NEK11: variants seen among roughly 807,000 people sequenced by gnomAD.
The protein encoded by NEK11 is serine/threonine-protein kinase Nek11.
In NEK11, 72 loss-of-function variants were observed where a neutral mutation model predicts 80.7. The ratio of observed to expected loss-of-function variants is 0.89; its 90% CI spans 0.74 to 1.08. The LOEUF is 1.08. Among genes scored for constraint, NEK11 ranks in the 50% least tolerant of loss-of-function variants. NEK11 has a pLI of 0.00. For missense variants in NEK11, 764 were observed against 763.6 expected, an observed-to-expected ratio of 1.00 and a Z score of -0.01; for synonymous variants, 251 against 260.7, an observed-to-expected ratio of 0.96 and a Z score of 0.36.
At chr3:131,234,824 TC>T (rs2095402944) in intron 15 of NEK11, among the ~76,000 whole-genome samples, 1 of 152,040 alleles carries the variant, frequency 6.6e-6, no homozygotes, top group African/African-American at 2.4e-5. Flanking sequence ...GATATACTAT[TC>T]TTTTTTTTTC....
At chr3:131,149,025 A>G (rs1043537488) in intron 7 of NEK11, among the ~76,000 whole-genome samples, 2 of 152,034 alleles carry the variant, frequency 1.3e-5, no homozygotes, top group African/African-American at 4.8e-5. Flanking sequence ...TTTGAAATAT[A>G]TAATAAATTA....
rs1239759127 is a variant in NEK11, at chr3:131,057,731, G to T, written c.171-22692G>T. Reference sequence around the variant, plus strand: ...ATATCCTTTGCCCACTTTTTGATGGGGTTGTTTGTTTTTTTCTTGTAAATT... The same window carrying T: ...ATATCCTTTGCCCACTTTTTGATGGTGTTGTTTGTTTTTTTCTTGTAAATT... On this transcript the variant is annotated intron_variant, in intron 3 of 17. Transcript: ENST00000383366. 3.3e-5 allele frequency among the ~76,000 whole-genome samples: 5 copies of T among 151,278 alleles called. No individual in the cohort carries two copies. In the South Asian group the frequency reaches 8.4e-4, roughly 25 times the overall value.
intron 17 of NEK11, among the ~76,000 whole-genome samples, chr3:131,309,104 C>T (rs1334384250): frequency 1.3e-5 from 2 of 152,128 alleles, no homozygotes; most frequent in Non-Finnish European, 2.9e-5. Context: ...GGTACTGGCC[C>T]GCGGCCTAAG....
chr3:131,029,611 A>G lies in NEK11; in HGVS notation c.-96-2A>G. 1 of 1,208,100 alleles carries G rather than the reference A, an allele frequency of 8.3e-7. No homozygotes were observed. Among genetic ancestry groups the G allele is most frequent in the Non-Finnish European group, 1.2e-6 (1 of 850,326 alleles). The allele number at this position is 1,208,100 out of a possible 1,614,324, so 74.8% of individuals were successfully genotyped here. ...CTGATCTTTTAACTTTTCATCTTTA[A>G]GGAACTGACCAACACTGGATGAATT... On this transcript the variant is annotated splice_acceptor_variant, in intron 2 of 17. Coordinates refer to ENST00000383366, the MANE Select transcript of NEK11 (RefSeq NM_024800.5). LOFTEE classifies it low-confidence loss of function (5UTR_SPLICE).
intron 16 of NEK11, among the ~76,000 whole-genome samples, chr3:131,256,996 T>G (rs1289960083): frequency 6.6e-6 from 1 of 152,056 alleles, no homozygotes; most frequent in Non-Finnish European, 1.5e-5. Flanking sequence ...ATTATCAATT[T>G]TTTTTTAAGA....
At chr3:131,177,803 A>G (rs528909575) in intron 14 of NEK11, among the ~76,000 whole-genome samples, 1 of 152,350 alleles carries the variant, frequency 6.6e-6, no homozygotes, top group African/African-American at 2.4e-5. Flanking sequence ...GATGAACAAC[A>G]ACATACAAAA....
At chr3:131,084,981 G>C (rs1316665519) in intron 4 of NEK11, among the ~76,000 whole-genome samples, 1 of 152,204 alleles carries the variant, frequency 6.6e-6, no homozygotes, top group Non-Finnish European at 1.5e-5. Context: ...GGAAAAATTT[G>C]TCATTATTGG....
chr3:131,314,624 G>A (rs780134365), intron 17 of NEK11, among the ~76,000 whole-genome samples: 10 of 152,164 alleles, frequency 6.6e-5, no homozygotes, highest in Non-Finnish European at 1.5e-4. Context: ...AGAAGAGTGG[G>A]CTTGGAGCTG....
chr3:131,327,803 T>A (rs1364657664), intron 17 of NEK11: 1 of 151,790 alleles, frequency 6.6e-6, no homozygotes, highest in African/African-American at 2.4e-5. Context: ...CCCACCTTCT[T>A]GGGGATTCCA....
At chr3:131,091,645 A>G (rs1170967861) in intron 4 of NEK11, among the ~76,000 whole-genome samples, 1 of 152,252 alleles carries the variant, frequency 6.6e-6, no homozygotes, top group Non-Finnish European at 1.5e-5. Flanking sequence ...AAAAATGACA[A>G]TAGGATGTGA....
At position 131,080,605 on chromosome 3, in the gene NEK11, C is replaced by T. The variant is rs374004983; in HGVS notation, c.336+17C>T. The T allele has an allele frequency of 2.1e-5, 33 of 1,588,888 alleles. No individual in the cohort carries two copies. Among genetic ancestry groups the T allele is most frequent in the African/African-American group, 1.9e-4 (14 of 73,200 alleles). ...TACTGTGAGGTGAGACTCTCCTTTT[C>T]TCTTGGAAGTCTTTATAAAAACTTG... On this transcript the variant is annotated intron_variant, in intron 4 of 17. Coordinates refer to ENST00000383366, the MANE Select transcript of NEK11 (RefSeq NM_024800.5).
intron 14 of NEK11, among the ~76,000 whole-genome samples, chr3:131,203,687 CAT>C (rs1246416495): frequency 1.5e-5 from 2 of 132,638 alleles, no homozygotes; most frequent in African/African-American, 2.9e-5. Context: ...ACATAAAGTT[CAT>C]ATATATATGT....
At position 131,273,516 on chromosome 3, in the gene NEK11, C is replaced by A. The variant is rs750813501; in HGVS notation, c.1660C>A (p.Pro554Thr). 6.2e-7 allele frequency: 1 copy of A among 1,613,974 alleles called. No homozygotes were observed. Among genetic ancestry groups the A allele is most frequent in the South Asian group, 1.1e-5 (1 of 91,080 alleles). The change falls in exon 17 of 18, where the codon CCA (proline) becomes ACA (threonine). Residue 554 changes from proline to threonine, a missense_variant. By Grantham distance (38) the Pro-to-Thr change is conservative. Coordinates refer to ENST00000383366, the MANE Select transcript of NEK11 (RefSeq NM_024800.5). ...CACCACCATGGCTGAAGACATGTCC[C>A]CAGGACCACCAATTTTCAACAGTGT... ...TITTMAEDMS[P>T]GPPIFNSVMA...
chr3:131,120,901 A>G (rs1027975547), intron 5 of NEK11, among the ~76,000 whole-genome samples: 1 of 152,102 alleles, frequency 6.6e-6, no homozygotes, highest in South Asian at 2.1e-4. Flanking sequence ...CAAGGTTTTC[A>G]TCTTCTTTGA....
intron 15 of NEK11, among the ~76,000 whole-genome samples, chr3:131,235,483 T>C (rs1295560145): frequency 6.6e-6 from 1 of 152,162 alleles, no homozygotes; most frequent in African/African-American, 2.4e-5. Flanking sequence ...TTCATTCACC[T>C]AGACAGGGAG....
intron 14 of NEK11, among the ~76,000 whole-genome samples, chr3:131,182,408 G>A (rs916596533): frequency 1.3e-5 from 2 of 152,150 alleles, no homozygotes; most frequent in African/African-American, 4.8e-5. Flanking sequence ...TCTGTCTTCA[G>A]GGAAGTATGT....
chr3:131,077,278 G>C (rs906804378), intron 3 of NEK11, among the ~76,000 whole-genome samples: 1 of 152,076 alleles, frequency 6.6e-6, no homozygotes, highest in African/African-American at 2.4e-5. Flanking sequence ...CCCTTGACTT[G>C]GTAAGTTTCC....
intron 14 of NEK11, among the ~76,000 whole-genome samples, chr3:131,196,827 A>ATTTCT (rs948345628): frequency 6.0e-5 from 9 of 149,762 alleles, no homozygotes; most frequent in African/African-American, 1.2e-4. Flanking sequence ...TGGCCACAAA[A>ATTTCT]TTTCTTTTCT....
chr3:131,092,682 A>G (rs1427664708), intron 4 of NEK11: 1 of 152,250 alleles, frequency 6.6e-6, no homozygotes, highest in Non-Finnish European at 1.5e-5. Flanking sequence ...AGTCAGCTAT[A>G]GTAGCTAATA....
Sources: gnomAD v4.1 joint callset for allele counts (sites outside exome capture counted in the v4.1 genomes callset) on GRCh38, gnomAD v4.1.1 for gene constraint, MANE v1.5 for transcripts, NCBI Gene and HGNC (gene_info 2026-07-23, HGNC 2026-07-21) for gene names.